The following PPP2R5C variants were observed in gnomAD, a reference collection of about 807,000 sequenced individuals.
PPP2R5C encodes the protein serine/threonine-protein phosphatase 2A 56 kDa regulatory subunit gamma isoform.
PPP2R5C carries 7 observed loss-of-function variants against 68.9 expected under a neutral mutation model. That is an observed-to-expected ratio of 0.10 (90% CI 0.06 to 0.19). The LOEUF (loss-of-function observed/expected upper bound fraction) is 0.19, where lower values mean the gene tolerates loss of function less well. Ranked by LOEUF, PPP2R5C falls within the 10% of genes least tolerant of loss-of-function variation. The probability of loss-of-function intolerance (pLI) is 1.00; values close to 1 mark genes in which losing one functional copy is unlikely to be tolerated. For missense variants in PPP2R5C, 348 were observed against 641.3 expected (o/e 0.54, Z 4.94); for synonymous variants, 210 against 222.2 (o/e 0.95, Z 0.49).
intron 2 of PPP2R5C, among the ~76,000 whole-genome samples, chr14:101,776,253 A>G (rs2037416663): frequency 1.3e-5 from 2 of 152,308 alleles, no homozygotes; most frequent in Admixed American, 1.3e-4. Context: ...CAAGAGGCCA[A>G]AGTAAATTCT....
chr14:101,799,603 TAG>T (rs1419263005), intron 3 of PPP2R5C, among the ~76,000 whole-genome samples: 2 of 152,172 alleles, frequency 1.3e-5, no homozygotes, highest in South Asian at 2.1e-4. Flanking sequence ...TGCATTTACT[TAG>T]AGTTTGTTTC....
intron 1 of PPP2R5C, among the ~76,000 whole-genome samples, chr14:101,815,784 G>A (rs557639714): frequency 7.9e-5 from 12 of 152,112 alleles, no homozygotes; most frequent in East Asian, 1.9e-4. Context: ...ATTCTCCTGC[G>A]TCAGCCTCCC....
intron 2 of PPP2R5C, among the ~76,000 whole-genome samples, chr14:101,868,612 A>G (rs756690499): frequency 2.6e-5 from 4 of 152,214 alleles, no homozygotes; most frequent in African/African-American, 7.2e-5. Flanking sequence ...ATTTAATTGT[A>G]TATAAATTAT....
intron 2 of PPP2R5C, among the ~76,000 whole-genome samples, chr14:101,862,150 A>G (rs1223466977): frequency 1.3e-5 from 2 of 152,154 alleles, no homozygotes; most frequent in East Asian, 3.9e-4. Context: ...TCCTGTGCTC[A>G]AGCAATCCAC....
intron 1 of PPP2R5C, among the ~76,000 whole-genome samples, chr14:101,832,826 G>A (rs527702496): frequency 1.1e-4 from 17 of 152,254 alleles, no homozygotes; most frequent in Admixed American, 3.3e-4. Flanking sequence ...GCGCTTTACC[G>A]TGTAATTTCT....
intron 1 of PPP2R5C, among the ~76,000 whole-genome samples, chr14:101,849,894 C>T (rs1240543568): frequency 6.6e-6 from 1 of 152,196 alleles, no homozygotes; most frequent in Non-Finnish European, 1.5e-5. Flanking sequence ...TGAAGCTTTA[C>T]AGGAAGTCTT....
At chr14:101,789,066 C>CCGT (rs1317016523) in intron 3 of PPP2R5C, among the ~76,000 whole-genome samples, 12 of 152,128 alleles carry the variant, frequency 7.9e-5, no homozygotes, top group Non-Finnish European at 1.8e-4. Flanking sequence ...TTTTCTTTTG[C>CCGT]CGTCACCTTA....
chr14:101,900,665 T>C (rs1425792404), intron 8 of PPP2R5C, among the ~76,000 whole-genome samples: 1 of 152,262 alleles, frequency 6.6e-6, no homozygotes, highest in Non-Finnish European at 1.5e-5. Context: ...TATTTTGTAC[T>C]GGTATGATTG....
At chr14:101,850,618 G>A in intron 1 of PPP2R5C, among the ~76,000 whole-genome samples, 1 of 152,248 alleles carries the variant, frequency 6.6e-6, no homozygotes, top group Admixed American at 6.5e-5. Context: ...GGGACCAGGT[G>A]CAGGAATCAA....
chr14:101,776,566 G>A (rs905148492), intron 2 of PPP2R5C, among the ~76,000 whole-genome samples: 20 of 152,126 alleles, frequency 1.3e-4, no homozygotes, highest in East Asian at 7.7e-4. Flanking sequence ...CCCTGTCTTC[G>A]TGGGGCCCTT....
upstream of PPP2R5C, chr14:101,760,648 G>A (rs2036446911): frequency 1.7e-5 from 16 of 933,596 alleles, no homozygotes; most frequent in Non-Finnish European, 2.0e-5. Context: ...GAGAAACTGC[G>A]GAGGGCGGGA....
intron 2 of PPP2R5C, among the ~76,000 whole-genome samples, chr14:101,873,181 A>G (rs1425194234): frequency 6.6e-6 from 1 of 152,130 alleles, no homozygotes; most frequent in Non-Finnish European, 1.5e-5. Flanking sequence ...TGGACACAAT[A>G]CTGTATTCAT....
intron 8 of PPP2R5C, among the ~76,000 whole-genome samples, chr14:101,900,133 C>T (rs916852805): frequency 6.6e-6 from 1 of 152,186 alleles, no homozygotes; most frequent in Non-Finnish European, 1.5e-5. Flanking sequence ...GCATTCCTCC[C>T]ACCTCGACCT....
intron 1 of PPP2R5C, among the ~76,000 whole-genome samples, chr14:101,843,009 T>A (rs922087655): frequency 6.6e-6 from 1 of 152,044 alleles, no homozygotes; most frequent in Non-Finnish European, 1.5e-5. Flanking sequence ...AAAGATTGAT[T>A]GAGCCCAGGA....
intron 10 of PPP2R5C, 55 bp from the exon 13 acceptor site, chr14:101,909,534 C>A: frequency 7.9e-7 from 1 of 1,258,234 alleles, no homozygotes; most frequent in Non-Finnish European, 1.2e-6. Flanking sequence ...AGTGGAGAGG[C>A]GAGGGCTCAG....
intron 1 of PPP2R5C, among the ~76,000 whole-genome samples, chr14:101,851,496 C>T (rs1047829289): frequency 6.6e-6 from 1 of 152,152 alleles, no homozygotes; most frequent in Non-Finnish European, 1.5e-5. Flanking sequence ...ACGCTGTGGT[C>T]TCTGTGTTTG....
At chr14:101,762,551 G>T (rs1566815485) in intron 1 of PPP2R5C, among the ~76,000 whole-genome samples, 1 of 152,050 alleles carries the variant, frequency 6.6e-6, no homozygotes, top group Non-Finnish European at 1.5e-5. Flanking sequence ...GCTCTGTAGC[G>T]TTTCATTATC....
At chr14:101,900,513 C>A (rs1002757542) in intron 8 of PPP2R5C, among the ~76,000 whole-genome samples, 2 of 152,176 alleles carry the variant, frequency 1.3e-5, no homozygotes, top group Admixed American at 1.3e-4. Context: ...TCTAACGCAC[C>A]GGATTGCACT....
intron 1 of PPP2R5C, among the ~76,000 whole-genome samples, chr14:101,845,398 G>A (rs901382642): frequency 1.3e-5 from 2 of 152,160 alleles, no homozygotes; most frequent in Non-Finnish European, 2.9e-5. Context: ...GAGGAAAGCA[G>A]CCTCTCCTGG....
Sources: allele counts gnomAD v4.1 joint callset (sites outside exome capture counted in the v4.1 genomes callset), GRCh38; gene constraint gnomAD v4.1.1; transcripts MANE v1.5; gene names NCBI Gene and HGNC (gene_info 2026-07-23, HGNC 2026-07-21).